BNIP5: variants seen among roughly 807,000 people sequenced by gnomAD.
BNIP5 encodes protein BNIP5.
A neutral mutation model predicts 67.3 loss-of-function variants in BNIP5; 61 were observed. The observed-to-expected ratio is 0.91, with a 90% CI of 0.74 to 1.12. The LOEUF is 1.12. Ranked by LOEUF, BNIP5 falls within the 50% of genes most tolerant of loss-of-function variation. The pLI is 0.00. For missense variants in BNIP5, 826 were observed against 816.3 expected (o/e 1.01, Z -0.14); for synonymous variants, 317 against 319.0 (o/e 0.99, Z 0.07).
intron 2 of BNIP5, among the ~76,000 whole-genome samples, chr6:36,328,950 TCA>T (rs1771824903): frequency 6.6e-6 from 1 of 150,804 alleles, no homozygotes; most frequent in Non-Finnish European, 1.5e-5. Flanking sequence ...CCGCAAATCC[TCA>T]GTCTTCTCCC....
intron 6 of BNIP5, 88 bp from the exon 7 acceptor site, chr6:36,324,278 C>A: frequency 8.3e-7 from 1 of 1,200,608 alleles, no homozygotes; most frequent in South Asian, 1.2e-5. Context: ...CCGGTGGCTC[C>A]CTGGGTGATT....
rs553685902 is a variant in BNIP5, at chr6:36,328,717, G to A, written c.611-3C>T. On this transcript the variant is annotated splice_region_variant and splice_polypyrimidine_tract_variant and intron_variant, in intron 2 of 11. Transcript: ENST00000437635. ...CTGGTGATCAGAATCTTCCCCACCT[G>A]GAATAGAGACGAAAGCAAACGGGTA... The A allele has an allele frequency of 1.9e-6, 3 of 1,598,914 alleles. No individual in the cohort carries two copies. The highest frequency in any genetic ancestry group is 1.1e-5 in the South Asian group (1 of 90,774).
chr6:36,320,201 C>G (rs1044211454), intron 10 of BNIP5, among the ~76,000 whole-genome samples: 1 of 152,210 alleles, frequency 6.6e-6, no homozygotes, highest in Non-Finnish European at 1.5e-5. Flanking sequence ...GACCCAGACA[C>G]AAGGACTTGG....
chr6:36,331,067 C>T (rs991451171), intron 1 of BNIP5, among the ~76,000 whole-genome samples: 1 of 152,036 alleles, frequency 6.6e-6, no homozygotes, highest in African/African-American at 2.4e-5. Context: ...CCCGGCCAAA[C>T]AGCTCCCTCA....
At chr6:36,329,956 G>A in intron 2 of BNIP5, 125 bp downstream of exon 2, 2 of 1,018,244 alleles carry the variant, frequency 2.0e-6, no homozygotes, top group South Asian at 1.7e-5. Context: ...AAGGAAGGAA[G>A]GAAGTCACAG....
rs112605273 is a variant in BNIP5 at position 36,322,528 on chromosome 6, G to T, written c.1472-86C>A. 1.5e-5 allele frequency: 21 copies of T among 1,439,424 alleles called. No individual in the cohort carries two copies. In the African/African-American group the frequency reaches 1.8e-4, roughly 13 times the overall value. 89.2% of individuals were successfully genotyped at this position (1,439,424 alleles called of 1,614,324 possible). A position where few individuals can be genotyped will look rare whatever the true frequency, so the allele number is the denominator to read the frequency against. On this transcript the variant is annotated intron_variant, in intron 8 of 11. Transcript: ENST00000437635. ...AAGCTGTTCGGAGGCACAGGCATAA[G>T]CAGGGGCTGGTTTCCAGGCTCCTCG...
chr6:36,327,110 T>G lies in BNIP5; in HGVS notation c.728-16A>C. 6.2e-7 allele frequency: 1 copy of G among 1,609,956 alleles called. No homozygotes were observed. The highest frequency in any genetic ancestry group is 8.5e-7 in the Non-Finnish European group (1 of 1,176,228). On this transcript the variant is annotated splice_polypyrimidine_tract_variant and intron_variant, in intron 3 of 11. Transcript: ENST00000437635. ...ATAGCATCCTCTGGAAGAAAGCAAA[T>G]GCATCCGGTTATTCTTTCTAAATGC...
At chr6:36,329,284 G>A (rs1313979732) in intron 2 of BNIP5, among the ~76,000 whole-genome samples, 6 of 152,348 alleles carry the variant, frequency 3.9e-5, no homozygotes, top group Non-Finnish European at 7.3e-5. Context: ...CTAGGTCTGT[G>A]CTCCTAAAAC....
intron 6 of BNIP5, among the ~76,000 whole-genome samples, chr6:36,324,574 A>C (rs1771714508): frequency 1.5e-5 from 1 of 65,118 alleles, no homozygotes; most frequent in Non-Finnish European, 2.9e-5. Flanking sequence ...TGACGGTGAT[A>C]TTATATATAT....
Position 36,322,440 on chromosome 6 carries a change from G to T in BNIP5, c.1474C>A (p.Pro492Thr). 2.5e-6 allele frequency: 4 copies of T among 1,612,694 alleles called. No individual in the cohort carries two copies. Among genetic ancestry groups the T allele is most frequent in the Non-Finnish European group, 2.5e-6 (3 of 1,179,430 alleles). The part of the protein sequence containing the change: ...HRPSTSSSLD[P>T]EDLECREPLP... ...GGCTCCCGGCACTCGAGATCTTCTG[G>T]ATCTAGGGCAAAAAAAGAGTTGTTG... Residue 492 changes from proline (P) to threonine (T), a missense_variant and splice_region_variant, in exon 9 of 12, where the codon CCA (proline) becomes ACA (threonine). Physicochemically the swap from Pro to Thr is conservative, Grantham distance 38. Transcript: ENST00000437635.
Position 36,326,763 on chromosome 6 carries a change from A to T in BNIP5, c.793-10T>A. The T allele has an allele frequency of 6.2e-7, 1 of 1,613,496 alleles. No homozygotes were observed. Among genetic ancestry groups the T allele is most frequent in the Non-Finnish European group, 8.5e-7 (1 of 1,179,970 alleles). ...GTGAGGCCAGAGATTGCTGTTGGGG[A>T]GAGGAGAAAAACTGGTCAGGTTCAT... On this transcript the variant is annotated splice_polypyrimidine_tract_variant and intron_variant, in intron 4 of 11. Coordinates refer to ENST00000437635, the MANE Select transcript of BNIP5 (RefSeq NM_001010903.5).
rs553745547 is a variant in BNIP5 at position 36,323,484 on chromosome 6, T to C, written c.1280A>G (p.His427Arg). 24 of 1,614,186 alleles carry C rather than the reference T, an allele frequency of 1.5e-5. No individual in the cohort carries two copies. Among genetic ancestry groups the C allele is most frequent in the African/African-American group, 9.3e-5 (7 of 75,048 alleles). ...TTTTTCTTGAGATTTCCTTCTGCAG[T>C]GTGGGGCCGGGTTTTCTACACCCAC... ...EEVGVENPAP[H>R]CRRKSQEKRS... is the part of the protein sequence containing the mutation. Residue 427 changes from histidine (H) to arginine (R), a missense_variant, in exon 8 of 12, where the codon CAC becomes CGC. Coordinates refer to ENST00000437635, the MANE Select transcript of BNIP5 (RefSeq NM_001010903.5).
Position 36,330,404 on chromosome 6 carries a change from T to C in BNIP5, c.287A>G (p.Lys96Arg). The C allele has an allele frequency of 6.2e-7, 1 of 1,614,168 alleles. No individual in the cohort carries two copies. Among genetic ancestry groups the C allele is most frequent in the East Asian group, 2.2e-5 (1 of 44,872 alleles). The change falls in exon 2 of 12, where the codon AAG becomes AGG. Residue 96 changes from lysine to arginine, a missense_variant. Transcript: ENST00000437635. ...PSEQRPSQDT[K>R]KGWLKTMLNF... Reference sequence around the variant, plus strand: ...CAGCATGGTCTTCAGCCACCCCTTCTTGGTGTCTTGCGAAGGCCTCTGCTC... The same window carrying C: ...CAGCATGGTCTTCAGCCACCCCTTCCTGGTGTCTTGCGAAGGCCTCTGCTC...
chr6:36,330,500 G>A lies in BNIP5; in HGVS notation c.191C>T (p.Pro64Leu). 6.2e-7 allele frequency: 1 copy of A among 1,614,182 alleles called. No individual in the cohort carries two copies. The highest frequency in any genetic ancestry group is 1.7e-5 in the Admixed American group (1 of 60,036). ...GGTGGTGCAGTGAGCCTCTGCAGAT[G>A]GAGCTGGGCTGTCTGAATGTCTGGC... ...DWARHSDSPAPSAEAHCTTAA... is the reference protein window; with the variant it reads ...DWARHSDSPALSAEAHCTTAA... Residue 64 changes from proline to leucine, a missense_variant, in exon 2 of 12, where the codon CCA becomes CTA. Coordinates refer to ENST00000437635, the MANE Select transcript of BNIP5 (RefSeq NM_001010903.5).
chr6:36,328,682 T>C lies in BNIP5; in HGVS notation c.643A>G (p.Ile215Val). Residue 215 changes from isoleucine (I) to valine (V), a missense_variant, in exon 3 of 12, where the codon ATC becomes GTC. Physicochemically the swap from Ile to Val is conservative, Grantham distance 29. Transcript: ENST00000437635. ...AAAGCTCCAGTACCATCCACTTTGA[T>C]GAGGAAGGACTGGTGATCAGAATCT... ...GEDSDHQSFL[I>V]KVDGTGALDV... 3 of 1,613,938 alleles carry C rather than the reference T, an allele frequency of 1.9e-6. No homozygotes were observed. Among genetic ancestry groups the C allele is most frequent in the Non-Finnish European group, 2.5e-6 (3 of 1,179,834 alleles).
chr6:36,316,414 C>G lies in BNIP5; in HGVS notation c.*942G>C, dbSNP rs1168962768. 1 of 397,788 alleles carries G rather than the reference C, an allele frequency of 2.5e-6. No individual in the cohort carries two copies. Among genetic ancestry groups the G allele is most frequent in the Non-Finnish European group, 4.4e-6 (1 of 226,036 alleles). The allele number at this position is 397,788 out of a possible 1,614,324, so 24.6% of individuals were successfully genotyped here. A position where few individuals can be genotyped will look rare whatever the true frequency, so the allele number is the denominator to read the frequency against. The stretch of plus-strand genomic sequence containing the variant: ...CCCACACTTCACCTTTGTGCAAATA[C>G]AAAAAATAGCCCTTTTCTCAAGACA... On this transcript the variant is annotated 3_prime_UTR_variant, in exon 12 of 12. Coordinates refer to ENST00000437635, the MANE Select transcript of BNIP5 (RefSeq NM_001010903.5).
intron 1 of BNIP5, among the ~76,000 whole-genome samples, chr6:36,333,977 A>AC (rs1771959039): frequency 6.6e-6 from 1 of 152,164 alleles, no homozygotes. Flanking sequence ...GCTCCATGGG[A>AC]CCCATCGCAC....
chr6:36,322,984 G>A (rs958780380), intron 8 of BNIP5, among the ~76,000 whole-genome samples: 4 of 152,178 alleles, frequency 2.6e-5, no homozygotes, highest in African/African-American at 9.7e-5. Context: ...AACTGGCCAG[G>A]TGATTCTGAT....
chr6:36,328,764 G>A (rs1399248917), intron 2 of BNIP5, 50 bp from the exon 3 acceptor site: 1 of 1,071,378 alleles, frequency 9.3e-7, no homozygotes, highest in African/African-American at 1.5e-5. Context: ...ATGTGCGTGT[G>A]TCAGTGACAT....
Sources: allele counts gnomAD v4.1 joint callset (sites outside exome capture counted in the v4.1 genomes callset), GRCh38; gene constraint gnomAD v4.1.1; transcripts MANE v1.5; gene names NCBI Gene and HGNC (gene_info 2026-07-23, HGNC 2026-07-21).